The following GPC5 variants were observed in gnomAD, a reference collection of about 807,000 sequenced individuals.
The protein encoded by GPC5 is glypican 5.
A neutral mutation model predicts 53.9 loss-of-function variants in GPC5; 47 were observed. The ratio of observed to expected loss-of-function variants is 0.87; its 90% CI spans 0.69 to 1.11. GPC5 has a LOEUF of 1.11. Among genes scored for constraint, GPC5 ranks in the 50% most tolerant of loss-of-function variants. The pLI is 0.00. For synonymous variants in GPC5, 286 were observed against 263.3 expected, an observed-to-expected ratio of 1.09 and a Z score of -0.84; for missense variants, 748 against 713.1, an observed-to-expected ratio of 1.05 and a Z score of -0.56.
chr13:92,656,514 G>T (rs1391644676), intron 7 of GPC5, among the ~76,000 whole-genome samples: 1 of 152,044 alleles, frequency 6.6e-6, no homozygotes, highest in African/African-American at 2.4e-5. Context: ...CAATAGAGAG[G>T]CAGGAACCAA....
At chr13:92,786,529 G>A (rs1340395817) in intron 7 of GPC5, among the ~76,000 whole-genome samples, 1 of 152,020 alleles carries the variant, frequency 6.6e-6, no homozygotes, top group East Asian at 1.9e-4. Flanking sequence ...AGTGAAATGG[G>A]ATTTAATGGT....
chr13:91,444,901 C>G (rs1880678195), intron 1 of GPC5, among the ~76,000 whole-genome samples: 1 of 152,172 alleles, frequency 6.6e-6, no homozygotes, highest in Non-Finnish European at 1.5e-5. Flanking sequence ...TCAAGACCCA[C>G]AGTAGATCCC....
chr13:92,796,271 C>A (rs1876675468), intron 7 of GPC5, among the ~76,000 whole-genome samples: 1 of 152,022 alleles, frequency 6.6e-6, no homozygotes, highest in Admixed American at 6.6e-5. Context: ...GACAGAAAAC[C>A]AAATACCGCA....
At chr13:91,527,861 G>A (rs531921504) in intron 2 of GPC5, among the ~76,000 whole-genome samples, 2 of 152,188 alleles carry the variant, frequency 1.3e-5, no homozygotes, top group Non-Finnish European at 2.9e-5. Context: ...TGAAACAATG[G>A]CCTGAGCCAT....
intron 2 of GPC5, among the ~76,000 whole-genome samples, chr13:91,610,291 G>T (rs1313739554): frequency 6.6e-6 from 1 of 152,178 alleles, no homozygotes; most frequent in Non-Finnish European, 1.5e-5. Flanking sequence ...AAACAGTAAT[G>T]AAAAGAATTT....
chr13:92,238,176 A>G (rs750729948), intron 7 of GPC5, among the ~76,000 whole-genome samples: 5 of 152,004 alleles, frequency 3.3e-5, no homozygotes, highest in Non-Finnish European at 5.9e-5. Flanking sequence ...TCTTGATAAT[A>G]TAGCTAGTAG....
intron 2 of GPC5, among the ~76,000 whole-genome samples, chr13:91,538,022 A>C (rs1886667365): frequency 6.6e-6 from 1 of 152,260 alleles, no homozygotes. Context: ...TGGTTTATGC[A>C]TACAATGAAA....
intron 6 of GPC5, among the ~76,000 whole-genome samples, chr13:92,083,703 T>C (rs1189508352): frequency 6.6e-6 from 1 of 152,188 alleles, no homozygotes; most frequent in Non-Finnish European, 1.5e-5. Flanking sequence ...TACCCAGTAA[T>C]GGGATTGCTG....
intron 7 of GPC5, among the ~76,000 whole-genome samples, chr13:92,642,162 C>G (rs368234189): frequency 2.6e-5 from 4 of 152,152 alleles, no homozygotes; most frequent in Non-Finnish European, 5.9e-5. Context: ...TCTACCTGAA[C>G]AGTAGTGTGC....
chr13:92,341,638 TAA>T (rs566716875), intron 7 of GPC5, among the ~76,000 whole-genome samples: 51 of 152,150 alleles, frequency 3.4e-4, no homozygotes, highest in African/African-American at 1.2e-3. Context: ...TTTTATTAAT[TAA>T]AGACTTAGCT....
At chr13:92,454,337 T>G (rs1462710232) in intron 7 of GPC5, among the ~76,000 whole-genome samples, 1 of 152,220 alleles carries the variant, frequency 6.6e-6, no homozygotes, top group Non-Finnish European at 1.5e-5. Context: ...TTATTTGTTT[T>G]AGTCAGAAGC....
In GPC5 at chr13:91,921,587, G is replaced by A. The variant is rs538024572; in HGVS notation, c.1401+13530G>A. ...CAAAAAGATTTCCATAAAAAAATCA[G>A]TATAGTATTACCCTAAAAATGAATA... On this transcript the variant is annotated intron_variant, in intron 6 of 7. Coordinates refer to ENST00000377067, the MANE Select transcript of GPC5 (RefSeq NM_004466.6). Among the ~76,000 whole-genome samples, 4 of 152,174 alleles carry A rather than the reference G, an allele frequency of 2.6e-5. No homozygotes were observed. The East Asian group carries it at 7.7e-4, about 29-fold the overall frequency.
chr13:92,039,902 G>A (rs2040928533), intron 6 of GPC5, among the ~76,000 whole-genome samples: 1 of 152,134 alleles, frequency 6.6e-6, no homozygotes, highest in Admixed American at 6.5e-5. Flanking sequence ...ACATTTTGAG[G>A]TCTTTGGGTT....
chr13:91,519,884 G>A (rs199682691), intron 2 of GPC5, among the ~76,000 whole-genome samples: 7 of 150,954 alleles, frequency 4.6e-5, no homozygotes, highest in Non-Finnish European at 3.0e-5. Context: ...GTTGAAAATG[G>A]AAAAAAAAAT....
chr13:92,802,739 A>C (rs1876955295), intron 7 of GPC5, among the ~76,000 whole-genome samples: 1 of 151,972 alleles, frequency 6.6e-6, no homozygotes, highest in Non-Finnish European at 1.5e-5. Context: ...ATAGGTGGGA[A>C]TTGAACAATG....
At chr13:92,381,219 C>T (rs974032069) in intron 7 of GPC5, among the ~76,000 whole-genome samples, 8 of 152,164 alleles carry the variant, frequency 5.3e-5, no homozygotes, top group Admixed American at 4.6e-4. Flanking sequence ...AACAAAGTTT[C>T]ACAGAATGTT....
At chr13:92,232,530 A>G (rs2042538417) in intron 7 of GPC5, among the ~76,000 whole-genome samples, 1 of 152,184 alleles carries the variant, frequency 6.6e-6, no homozygotes, top group African/African-American at 2.4e-5. Context: ...ACCACTTACT[A>G]ATGGATATGT....
At chr13:91,646,877 T>C (rs1248410456) in intron 2 of GPC5, among the ~76,000 whole-genome samples, 1 of 152,128 alleles carries the variant, frequency 6.6e-6, no homozygotes, top group Non-Finnish European at 1.5e-5. Flanking sequence ...TATGTAAAAG[T>C]GGAGAAGAAT....
At position 91,871,998 on chromosome 13, in the gene GPC5, G is replaced by A. The variant is rs75160214; in HGVS notation, c.1281-35939G>A. ...ATGAAAAGAAATGACAGTTGGTGATGGTGAACCTCTGTCTGTGAAGGGAAA... is the reference window on the plus strand; with the variant it reads ...ATGAAAAGAAATGACAGTTGGTGATAGTGAACCTCTGTCTGTGAAGGGAAA... On this transcript the variant is annotated intron_variant, in intron 5 of 7. Transcript: ENST00000377067. Among the ~76,000 whole-genome samples the A allele has an allele frequency of 8.2e-3, 1,248 of 152,148 alleles. 22 individuals carry two copies. The highest frequency in any genetic ancestry group is 0.029 in the African/African-American group (1,203 of 41,480).
Sources: allele counts gnomAD v4.1 joint callset (sites outside exome capture counted in the v4.1 genomes callset), GRCh38; gene constraint gnomAD v4.1.1; transcripts MANE v1.5; gene names NCBI Gene and HGNC (gene_info 2026-07-23, HGNC 2026-07-21).